CADM2: variants seen among roughly 807,000 people sequenced by gnomAD.
The protein encoded by CADM2 is cell adhesion molecule 2.
In CADM2, 12 loss-of-function variants were observed where a neutral mutation model predicts 49.8. The ratio of observed to expected loss-of-function variants is 0.24; its 90% CI spans 0.15 to 0.39. The LOEUF is 0.39. Ranked by LOEUF, CADM2 falls within the 10% of genes least tolerant of loss-of-function variation. The pLI is 1.00. For missense variants in CADM2, 378 were observed against 492.3 expected (o/e 0.77, Z 2.20); for synonymous variants, 214 against 175.4 (o/e 1.22, Z -1.74).
chr3:85,243,708 A>G (rs2042584968), intron 1 of CADM2, among the ~76,000 whole-genome samples: 1 of 152,036 alleles, frequency 6.6e-6, no homozygotes, highest in South Asian at 2.1e-4. Context: ...TAACTGTAAG[A>G]GTGCTGTCTA....
intron 1 of CADM2, among the ~76,000 whole-genome samples, chr3:85,057,017 T>C (rs1404002719): frequency 6.6e-6 from 1 of 152,154 alleles, no homozygotes; most frequent in Non-Finnish European, 1.5e-5. Context: ...GTAATTCTAA[T>C]GTGCAAGTCA....
chr3:85,861,846 C>A (rs1462304209), intron 3 of CADM2, among the ~76,000 whole-genome samples: 2 of 151,446 alleles, frequency 1.3e-5, no homozygotes, highest in African/African-American at 4.8e-5. Context: ...TAAGATAAAG[C>A]ATTCAAAGCT....
intron 1 of CADM2, among the ~76,000 whole-genome samples, chr3:85,604,581 C>T (rs924823983): frequency 1.3e-5 from 2 of 151,972 alleles, no homozygotes; most frequent in African/African-American, 2.4e-5. Flanking sequence ...AACAAAAAAT[C>T]TCAGATGAAT....
chr3:85,110,410 G>T (rs958816334), intron 1 of CADM2, among the ~76,000 whole-genome samples: 12 of 151,690 alleles, frequency 7.9e-5, no homozygotes, highest in Non-Finnish European at 1.5e-5. Flanking sequence ...TCTTAACCTG[G>T]TATCTACCAG....
intron 3 of CADM2, among the ~76,000 whole-genome samples, chr3:85,865,895 G>A (rs1183395326): frequency 6.6e-6 from 1 of 152,172 alleles, no homozygotes; most frequent in Non-Finnish European, 1.5e-5. Flanking sequence ...TGACATTTCA[G>A]TGAGAGTGGA....
At chr3:85,363,699 C>T (rs1397811991) in intron 1 of CADM2, among the ~76,000 whole-genome samples, 1 of 152,186 alleles carries the variant, frequency 6.6e-6, no homozygotes, top group Non-Finnish European at 1.5e-5. Flanking sequence ...GCAAGCTCCG[C>T]CTTCTGGATT....
chr3:85,818,547 CAGT>C (rs1559679897), intron 3 of CADM2, among the ~76,000 whole-genome samples: 6 of 152,168 alleles, frequency 3.9e-5, no homozygotes, highest in African/African-American at 1.4e-4. Flanking sequence ...AATACTCTCT[CAGT>C]AGTTCAAATA....
intron 1 of CADM2, among the ~76,000 whole-genome samples, chr3:85,496,564 G>T (rs759789194): frequency 6.6e-6 from 1 of 152,124 alleles, no homozygotes; most frequent in Non-Finnish European, 1.5e-5. Context: ...ACTCACTAAT[G>T]GGATTGCTAG....
At position 86,069,649 on chromosome 3, in the gene CADM2, G is replaced by A. The variant is rs1041976618; in HGVS notation, c.*2866G>A. 2 of 151,856 alleles carry A rather than the reference G, an allele frequency of 1.3e-5. No individual in the cohort carries two copies. Among genetic ancestry groups the A allele is most frequent in the Admixed American group, 6.6e-5 (1 of 15,240 alleles). 9.4% of individuals were successfully genotyped at this position (151,856 alleles called of 1,614,324 possible). ...TTGTGTGCACATAGAGTCAATTTCT[G>A]TCTCTTCTAAGTGAGCACAGTAGGT... On this transcript the variant is annotated 3_prime_UTR_variant, in exon 10 of 10. Coordinates refer to ENST00000383699, the MANE Select transcript of CADM2 (RefSeq NM_001167675.2).
At chr3:85,075,509 T>A (rs2036911422) in intron 1 of CADM2, among the ~76,000 whole-genome samples, 1 of 152,186 alleles carries the variant, frequency 6.6e-6, no homozygotes, top group South Asian at 2.1e-4. Context: ...GATTATTCTT[T>A]GCCAGAAAAT....
chr3:85,468,795 G>A (rs1303370096), intron 1 of CADM2, among the ~76,000 whole-genome samples: 2 of 152,104 alleles, frequency 1.3e-5, no homozygotes, highest in Non-Finnish European at 2.9e-5. Flanking sequence ...TTCTGGTAAG[G>A]GATAAAAGTT....
intron 2 of CADM2, among the ~76,000 whole-genome samples, chr3:85,780,053 G>A (rs1448913369): frequency 1.3e-5 from 2 of 152,116 alleles, no homozygotes; most frequent in East Asian, 1.9e-4. Flanking sequence ...CTTAAGTAAT[G>A]AATAATAATT....
chr3:84,970,682 T>G (rs2031369222), intron 1 of CADM2, among the ~76,000 whole-genome samples: 1 of 152,138 alleles, frequency 6.6e-6, no homozygotes, highest in South Asian at 2.1e-4. Context: ...CTAGCAAAAT[T>G]TATTAAGGAT....
intron 1 of CADM2, among the ~76,000 whole-genome samples, chr3:85,117,508 G>A (rs1174490415): frequency 1.3e-5 from 2 of 152,022 alleles, no homozygotes; most frequent in African/African-American, 2.4e-5. Flanking sequence ...AAGAGTAGGT[G>A]CTATAGACTA....
intron 1 of CADM2, among the ~76,000 whole-genome samples, chr3:85,124,798 A>G (rs777183223): frequency 6.6e-6 from 1 of 152,186 alleles, no homozygotes; most frequent in Non-Finnish European, 1.5e-5. Context: ...CTTATATTAC[A>G]ATAAAGTGTT....
In CADM2 at chr3:85,453,890, A is replaced by G. The variant is rs530318143; in HGVS notation, c.62-272632A>G. 2.0e-5 allele frequency among the ~76,000 whole-genome samples: 3 copies of G among 152,308 alleles called. No homozygotes were observed. The South Asian group carries it at 6.2e-4, about 32-fold the overall frequency. Reference sequence around the variant, plus strand: ...TTAGTATTTTACTCACTTCACTGCAATATTTTAGGTAGTACAGTCATAAAA... The same window carrying G: ...TTAGTATTTTACTCACTTCACTGCAGTATTTTAGGTAGTACAGTCATAAAA... On this transcript the variant is annotated intron_variant, in intron 1 of 9. Transcript: ENST00000383699.
At chr3:85,243,430 A>G (rs974952990) in intron 1 of CADM2, among the ~76,000 whole-genome samples, 6 of 152,092 alleles carry the variant, frequency 3.9e-5, no homozygotes, top group Admixed American at 3.3e-4. Flanking sequence ...TATGTGCCCA[A>G]CTGATTATAG....
intron 1 of CADM2, among the ~76,000 whole-genome samples, chr3:85,391,237 T>TTAA (rs1366263452): frequency 6.6e-6 from 1 of 151,952 alleles, no homozygotes; most frequent in African/African-American, 2.4e-5. Flanking sequence ...AAGAGTTCAA[T>TTAA]TAATACTAGT....
chr3:85,011,759 A>G (rs1355413813), intron 1 of CADM2, among the ~76,000 whole-genome samples: 1 of 151,970 alleles, frequency 6.6e-6, no homozygotes, highest in Non-Finnish European at 1.5e-5. Context: ...ATATAGTGGA[A>G]CATACCTGTG....
Sources: allele counts gnomAD v4.1 joint callset (sites outside exome capture counted in the v4.1 genomes callset), GRCh38; gene constraint gnomAD v4.1.1; transcripts MANE v1.5; gene names NCBI Gene and HGNC (gene_info 2026-07-23, HGNC 2026-07-21).